HPS1: variants seen among roughly 807,000 people sequenced by gnomAD.
The protein encoded by HPS1 is BLOC-3 complex member HPS1.
HPS1 carries 59 observed loss-of-function variants against 90.6 expected under a neutral mutation model. That is an observed-to-expected ratio of 0.65 (90% CI 0.53 to 0.81). The LOEUF is 0.81. HPS1 is among the 30% of genes least tolerant of loss of function. The probability of loss-of-function intolerance (pLI) is 0.00; values close to 1 mark genes in which losing one functional copy is unlikely to be tolerated. For synonymous variants in HPS1, 388 were observed against 384.4 expected (o/e 1.01, Z -0.11); for missense variants, 849 against 896.7 (o/e 0.95, Z 0.68).
rs772192145 is a variant in HPS1 at position 98,434,022 on chromosome 10, G to A, written c.468C>T (p.Tyr156=). 30 of 1,558,426 alleles carry A rather than the reference G, an allele frequency of 1.9e-5. No individual in the cohort carries two copies. Among genetic ancestry groups the A allele is most frequent in the Admixed American group, 1.4e-4 (7 of 51,852 alleles). Residue 156 remains tyrosine, a synonymous_variant, in exon 6 of 20, where the codon TAC becomes TAT. Transcript: ENST00000361490. The part of the protein sequence containing the change: ...WEHFQSLLWT[Y]SRLREQEQCF... ...ACTGCTCCTGCTCCCGCAGGCGGCT[G>A]TAGGTCCACAGCAGGCTCTGGAAGT...
chr10:98,435,153 A>T lies in HPS1; in HGVS notation c.398+119T>A. ...TTCACTTGAGCTGTTTCTCTGACCT[A>T]GGGACCCAGCTGGGGGCAGTATGTG... On this transcript the variant is annotated intron_variant, in intron 5 of 19. Coordinates refer to ENST00000361490, the MANE Select transcript of HPS1 (RefSeq NM_000195.5). This position sits in a 1 kb window ranked among gnomAD's most constrained non-coding sequence, Gnocchi z 4.3. 1 of 1,230,704 alleles carries T rather than the reference A, an allele frequency of 8.1e-7. No homozygotes were observed. The highest frequency in any genetic ancestry group is 1.2e-6 in the Non-Finnish European group (1 of 841,138). The allele number at this position is 1,230,704 out of a possible 1,614,324, so 76.2% of individuals were successfully genotyped here.
rs113270871 is a variant in HPS1 at position 98,437,865 on chromosome 10, A to C, written c.118-2093T>G. Among the ~76,000 whole-genome samples, 446 of 152,304 alleles carry C rather than the reference A, an allele frequency of 2.9e-3. 3 individuals carry two copies. Among genetic ancestry groups the C allele is most frequent in the African/African-American group, 9.2e-3 (383 of 41,570 alleles). On this transcript the variant is annotated intron_variant, in intron 3 of 19. Coordinates refer to ENST00000361490, the MANE Select transcript of HPS1 (RefSeq NM_000195.5). ...TTGACTTGTAATCCCCATAATCCCC[A>C]CGTGTCAAGGGAGACCTGGTGGAGA...
Position 98,423,593 on chromosome 10 carries a change from G to C in HPS1, c.1598+10C>G. ...TTGTTGGGCTGGCTGGGGCCCCGGC[G>C]TCAGGATATGACACCATGGTGATGT... On this transcript the variant is annotated intron_variant, in intron 16 of 19. Coordinates refer to ENST00000361490, the MANE Select transcript of HPS1 (RefSeq NM_000195.5). The C allele has an allele frequency of 6.2e-7, 1 of 1,613,738 alleles. No individual in the cohort carries two copies. The highest frequency in any genetic ancestry group is 8.5e-7 in the Non-Finnish European group (1 of 1,179,824).
chr10:98,429,049 C>T (rs1406853003), intron 10 of HPS1: 2 of 202,542 alleles, frequency 9.9e-6, no homozygotes, highest in Non-Finnish European at 1.9e-5. Context: ...GCCATGTTGG[C>T]CAGGCTAGTC....
chr10:98,445,008 G>A lies in HPS1; in HGVS notation c.-1+292C>T, dbSNP rs141643722. On this transcript the variant is annotated intron_variant, in intron 2 of 19. Transcript: ENST00000361490. The surrounding 1 kb of genome is among the most constrained non-coding windows in gnomAD (Gnocchi z 4.5). ...ATGGGCAGGTCAAGGTCATGAAGGCGGTCATCTAGGTGCGGGTGTCAGGTA... is the reference window on the plus strand; with the variant it reads ...ATGGGCAGGTCAAGGTCATGAAGGCAGTCATCTAGGTGCGGGTGTCAGGTA... Among the ~76,000 whole-genome samples, 391 of 152,330 alleles carry A rather than the reference G, an allele frequency of 2.6e-3. 1 individual carries two copies. Among genetic ancestry groups the A allele is most frequent in the African/African-American group, 8.4e-3 (349 of 41,566 alleles).
At chr10:98,426,170 C>T (rs900716826) in intron 11 of HPS1, 185 bp from the exon 12 acceptor site, 4 of 604,292 alleles carry the variant, frequency 6.6e-6, no homozygotes, top group Non-Finnish European at 5.9e-6. Flanking sequence ...TCTCCCTCAG[C>T]TGCTCCTGGG....
At position 98,435,671 on chromosome 10, in the gene HPS1, G is replaced by A; in HGVS notation, c.219C>T (p.Ser73=). Residue 73 remains serine (S), a synonymous_variant, in exon 4 of 20, where the codon TCC becomes TCT. Coordinates refer to ENST00000361490, the MANE Select transcript of HPS1 (RefSeq NM_000195.5). The surrounding 1 kb of genome is among the most constrained non-coding windows in gnomAD (Gnocchi z 4.3). ...CATACAGGAAGTTGCCATTTTCCGT[G>A]GAGAAGCAGGTGTAGGTGTCCGAGA... The part of the protein sequence containing the change: ...EKLSDTYTCF[S]TENGNFLYVL... The A allele has an allele frequency of 6.2e-7, 1 of 1,614,160 alleles. No homozygotes were observed. Among genetic ancestry groups the A allele is most frequent in the Non-Finnish European group, 8.5e-7 (1 of 1,180,026 alleles).
chr10:98,437,062 T>G (rs1361518404), intron 3 of HPS1, among the ~76,000 whole-genome samples: 1 of 152,112 alleles, frequency 6.6e-6, no homozygotes, highest in East Asian at 1.9e-4. Context: ...CCTCTGTCAC[T>G]CCCCATCCCA....
intron 17 of HPS1, 56 bp from the exon 18 acceptor site, chr10:98,420,214 C>T (rs768059798): frequency 5.7e-5 from 72 of 1,270,134 alleles, no homozygotes; most frequent in Non-Finnish European, 8.3e-5. Flanking sequence ...GCCTGGGCAG[C>T]TCTCACCTCC....
In HPS1 at chr10:98,423,740, G is replaced by T; in HGVS notation, c.1532+13C>A. 1 of 1,614,048 alleles carries T rather than the reference G, an allele frequency of 6.2e-7. No homozygotes were observed. Among genetic ancestry groups the T allele is most frequent in the Non-Finnish European group, 8.5e-7 (1 of 1,180,018 alleles). Reference sequence around the variant, plus strand: ...CCCTGCCCTGGCCACCCAGGGGGCCGCACTGCACTTACCGCATGAGCCTCT... The same window carrying T: ...CCCTGCCCTGGCCACCCAGGGGGCCTCACTGCACTTACCGCATGAGCCTCT... On this transcript the variant is annotated intron_variant, in intron 15 of 19. Coordinates refer to ENST00000361490, the MANE Select transcript of HPS1 (RefSeq NM_000195.5).
chr10:98,428,512 C>T (rs543199316), intron 10 of HPS1, among the ~76,000 whole-genome samples: 1 of 152,304 alleles, frequency 6.6e-6, no homozygotes, highest in East Asian at 1.9e-4. Context: ...ACACCTGGGT[C>T]CCAGGCCCAC....
chr10:98,423,176 G>C (rs998048650), intron 16 of HPS1, among the ~76,000 whole-genome samples: 4 of 152,130 alleles, frequency 2.6e-5, no homozygotes, highest in Non-Finnish European at 5.9e-5. Context: ...TCTGAAACAG[G>C]GATAAACATT....
chr10:98,440,491 T>C (rs1216672398), intron 3 of HPS1, among the ~76,000 whole-genome samples: 1 of 151,278 alleles, frequency 6.6e-6, no homozygotes, highest in African/African-American at 2.4e-5. Flanking sequence ...TTTAAAAAAA[T>C]AGAAGAAATA....
At chr10:98,432,783 T>C (rs754812272) in intron 6 of HPS1, among the ~76,000 whole-genome samples, 19 of 152,234 alleles carry the variant, frequency 1.2e-4, no homozygotes, top group Non-Finnish European at 2.1e-4. Flanking sequence ...TTGATTTTCC[T>C]GACTCTCACT....
At chr10:98,426,299 G>A (rs1210475031) in intron 11 of HPS1, among the ~76,000 whole-genome samples, 2 of 152,120 alleles carry the variant, frequency 1.3e-5, no homozygotes, top group Admixed American at 6.5e-5. Flanking sequence ...GGGAGTGGAC[G>A]GGGAGAGGTC....
In HPS1 at chr10:98,423,787, G is replaced by A; in HGVS notation, c.1498C>T (p.Gln500Ter). 6.2e-7 allele frequency: 1 copy of A among 1,614,004 alleles called. No individual in the cohort carries two copies. Among genetic ancestry groups the A allele is most frequent in the Non-Finnish European group, 8.5e-7 (1 of 1,180,022 alleles). ...APSRGGPHLPQHLQDQVQRLM... is the reference protein window; with the variant it reads ...APSRGGPHLP ...CTCTGCACTTGGTCCTGCAGGTGCT[G>A]GGGCAGGTGTGGGCCTCCCCTGCTG... Residue 500 changes from glutamine (Q) to a stop codon, truncating the protein, a stop_gained, in exon 15 of 20, where the codon CAG (glutamine) becomes TAG (stop). Transcript: ENST00000361490. LOFTEE classifies it high-confidence loss of function.
At chr10:98,427,294 G>A (rs937904867) in intron 10 of HPS1, 30 bp from the exon 11 acceptor site, 111 of 1,537,920 alleles carry the variant, frequency 7.2e-5, no homozygotes, top group Non-Finnish European at 9.1e-5. Flanking sequence ...ACATAACGAT[G>A]TAAGTACCAT....
intron 17 of HPS1, among the ~76,000 whole-genome samples, chr10:98,422,118 G>T (rs1844959635): frequency 1.3e-5 from 2 of 152,096 alleles, no homozygotes; most frequent in African/African-American, 4.8e-5. Context: ...GAATTTCCAG[G>T]GAATGCTTCC....
At chr10:98,428,837 AGTTTT>A (rs763562391) in intron 10 of HPS1, among the ~76,000 whole-genome samples, 1 of 148,932 alleles carries the variant, frequency 6.7e-6, no homozygotes, top group Non-Finnish European at 1.5e-5. Context: ...GAATATTTGT[AGTTTT>A]GTTTTGTTTT....
Sources: gnomAD v4.1 joint callset for allele counts (sites outside exome capture counted in the v4.1 genomes callset) on GRCh38, gnomAD v4.1.1 for gene constraint, Gnocchi (gnomAD v3.1) non-coding constraint, MANE v1.5 for transcripts, NCBI Gene and HGNC (gene_info 2026-07-23, HGNC 2026-07-21) for gene names.